Variants in UMAD1 observed in about 807,000 individuals in gnomAD.
UMAD1 encodes UBAP1-MVB12-associated (UMA) domain containing 1.
Under a neutral mutation model 6.1 loss-of-function variants are expected in UMAD1, and 8 were observed. The ratio of observed to expected loss-of-function variants is 1.30; its 90% CI spans 0.76 to 2.35. UMAD1 has a LOEUF of 2.35. Among genes scored for constraint, UMAD1 ranks in the 30% most tolerant of loss-of-function variants. The pLI is 0.00. For synonymous variants in UMAD1, 56 were observed against 31.4 expected (o/e 1.78, Z -2.61); for missense variants, 130 against 78.4 (o/e 1.66, Z -2.49).
At chr7:7,649,170 A>G (rs1415811558) in intron 1 of UMAD1, among the ~76,000 whole-genome samples, 26 of 141,638 alleles carry the variant, frequency 1.8e-4, no homozygotes, top group Admixed American at 9.4e-4. Flanking sequence ...AAAAAAAAAA[A>G]AAAAAAAAAG....
chr7:7,809,783 C>G (rs759286616), intron 3 of UMAD1, among the ~76,000 whole-genome samples: 2 of 152,000 alleles, frequency 1.3e-5, no homozygotes, highest in Non-Finnish European at 2.9e-5. Context: ...GTTCACTCTT[C>G]TTCTGATGTG....
At chr7:7,668,195 A>G (rs947075324) in intron 1 of UMAD1, among the ~76,000 whole-genome samples, 6 of 152,022 alleles carry the variant, frequency 3.9e-5, no homozygotes, top group African/African-American at 1.4e-4. Context: ...TTACAGGTGT[A>G]AGCCACCATG....
chr7:7,854,355 C>CAAAAAAAAAAAAAAAAAAAAAAAA (rs34829393), intron 3 of UMAD1, among the ~76,000 whole-genome samples: 1 of 49,164 alleles, frequency 2.0e-5, no homozygotes, highest in Non-Finnish European at 3.6e-5. Context: ...AGCTCCATCT[C>CAAAAAAAAAAAAAAAAAAAAAAAA]AAAAAAAAAA....
chr7:7,648,884 C>T (rs909479818), intron 1 of UMAD1, among the ~76,000 whole-genome samples: 5 of 148,012 alleles, frequency 3.4e-5, no homozygotes, highest in African/African-American at 5.0e-5. Context: ...AAAGGCCGGG[C>T]GCGGTCGCTC....
chr7:7,796,406 C>T (rs1000092788), intron 2 of UMAD1, among the ~76,000 whole-genome samples: 9 of 151,734 alleles, frequency 5.9e-5, no homozygotes, highest in Non-Finnish European at 1.0e-4. Context: ...CGTGCCCTAC[C>T]GCACCCGGCT....
At chr7:7,821,042 G>A (rs567200592) in intron 3 of UMAD1, among the ~76,000 whole-genome samples, 1 of 152,270 alleles carries the variant, frequency 6.6e-6, no homozygotes, top group Non-Finnish European at 1.5e-5. Flanking sequence ...TTCAATTCCT[G>A]TTTTTAGTGG....
At chr7:7,791,039 A>G (rs1415117283) in intron 2 of UMAD1, among the ~76,000 whole-genome samples, 1 of 151,956 alleles carries the variant, frequency 6.6e-6, no homozygotes, top group Admixed American at 6.6e-5. Context: ...AGAGGCCCAC[A>G]CCACCACACC....
chr7:7,670,537 A>G (rs1363103413), intron 1 of UMAD1, among the ~76,000 whole-genome samples: 1 of 152,110 alleles, frequency 6.6e-6, no homozygotes, highest in Non-Finnish European at 1.5e-5. Flanking sequence ...ATATATTCAG[A>G]TCTGTCTCTC....
intron 1 of UMAD1, among the ~76,000 whole-genome samples, chr7:7,643,649 T>C (rs1460610243): frequency 6.6e-6 from 1 of 151,238 alleles, no homozygotes; most frequent in African/African-American, 2.4e-5. Context: ...GAGGCGGAGC[T>C]TGCAGTGAGC....
At chr7:7,716,736 G>A (rs1780915499) in intron 2 of UMAD1, among the ~76,000 whole-genome samples, 1 of 152,220 alleles carries the variant, frequency 6.6e-6, no homozygotes. Context: ...ACGAGGTCAG[G>A]AGATCGAGAC....
intron 2 of UMAD1, among the ~76,000 whole-genome samples, chr7:7,685,119 C>A (rs1016027572): frequency 1.3e-5 from 2 of 152,014 alleles, no homozygotes; most frequent in Non-Finnish European, 2.9e-5. Flanking sequence ...GTAAAATGTA[C>A]AGTATGAATA....
At chr7:7,748,136 G>A (rs1204157493) in intron 2 of UMAD1, among the ~76,000 whole-genome samples, 12 of 147,268 alleles carry the variant, frequency 8.1e-5, no homozygotes, top group African/African-American at 2.9e-4. Flanking sequence ...AGTAGAGACG[G>A]GGTTTCACCA....
At chr7:7,686,243 G>A (rs757590616) in intron 2 of UMAD1, among the ~76,000 whole-genome samples, 9 of 152,020 alleles carry the variant, frequency 5.9e-5, no homozygotes, top group Non-Finnish European at 1.3e-4. Flanking sequence ...ACATAGGCAG[G>A]GCCAGTATTC....
chr7:7,777,613 G>A (rs1264746939), intron 2 of UMAD1, among the ~76,000 whole-genome samples: 1 of 115,158 alleles, frequency 8.7e-6, no homozygotes, highest in Non-Finnish European at 1.8e-5. Flanking sequence ...GTAATTGCCA[G>A]TATTTGGCTT....
At position 7,835,462 on chromosome 7, in the gene UMAD1, CTTTT is replaced by C. The variant is rs150411259; in HGVS notation, c.156+33754_156+33757del. ...CATTCATTCACTCATTGAAACAGCA[CTTTT>C]TTTTTTTTTTTTTTTTTTTTTTTTT... On this transcript the variant is annotated intron_variant, in intron 3 of 3. Transcript: ENST00000682710. Among the ~76,000 whole-genome samples, 71 of 33,676 alleles carry C rather than the reference CTTTT, an allele frequency of 2.1e-3. 3 individuals carry two copies. Among genetic ancestry groups the C allele is most frequent in the African/African-American group, 6.6e-3 (65 of 9,816 alleles). The allele number at this position is 33,676 out of a possible 152,430, so 22.1% of individuals were successfully genotyped here.
intron 2 of UMAD1, among the ~76,000 whole-genome samples, chr7:7,757,795 T>G (rs966098949): frequency 2.6e-5 from 4 of 152,174 alleles, no homozygotes; most frequent in African/African-American, 9.7e-5. Context: ...CAGAAAAAGC[T>G]CAAAGCTTTC....
chr7:7,741,608 T>C (rs942868281), intron 2 of UMAD1, among the ~76,000 whole-genome samples: 1 of 130,696 alleles, frequency 7.7e-6, no homozygotes, highest in East Asian at 2.2e-4. Context: ...ATAATAATAA[T>C]AATAATAAAA....
chr7:7,659,923 T>G (rs1785433491), intron 1 of UMAD1, among the ~76,000 whole-genome samples: 1 of 152,312 alleles, frequency 6.6e-6, no homozygotes, highest in East Asian at 1.9e-4. Context: ...CCACTATTAT[T>G]GTGTTGGAGT....
intron 2 of UMAD1, among the ~76,000 whole-genome samples, chr7:7,793,371 G>A (rs1157157085): frequency 1.3e-5 from 2 of 152,154 alleles, no homozygotes; most frequent in Admixed American, 6.5e-5. Context: ...GAGTGTGACT[G>A]AAGAATGAAA....
Sources: allele counts gnomAD v4.1 joint callset (sites outside exome capture counted in the v4.1 genomes callset), GRCh38; gene constraint gnomAD v4.1.1; transcripts MANE v1.5; gene names NCBI Gene and HGNC (gene_info 2026-07-23, HGNC 2026-07-21).